The following METTL6 variants were observed in gnomAD, a reference collection of about 807,000 sequenced individuals.
METTL6 encodes tRNA N(3)-cytidine methyltransferase METTL6.
Under a neutral mutation model 26.4 loss-of-function variants are expected in METTL6, and 22 were observed. The observed-to-expected ratio is 0.83, with a 90% CI of 0.59 to 1.19. The LOEUF is 1.19. Ranked by LOEUF, METTL6 falls within the 50% of genes most tolerant of loss-of-function variation. The probability of loss-of-function intolerance (pLI) is 0.00; values close to 1 mark genes in which losing one functional copy is unlikely to be tolerated. For missense variants in METTL6, 304 were observed against 324.8 expected (o/e 0.94, Z 0.49); for synonymous variants, 109 against 116.2 (o/e 0.94, Z 0.40).
Position 15,395,694 on chromosome 3 carries a change from G to A in METTL6, c.*12-11507C>T, listed in dbSNP as rs1299877725. Reference sequence around the variant, plus strand: ...TCAGGAGTTCTTTTAGGGCAGGCCTGGTGGTGACAAAATCTCTCAGCATTT... The same window carrying A: ...TCAGGAGTTCTTTTAGGGCAGGCCTAGTGGTGACAAAATCTCTCAGCATTT... On this transcript the variant is annotated intron_variant, in intron 6 of 6. Coordinates refer to the METTL6 transcript ENST00000443029. Among the ~76,000 whole-genome samples, 4 of 152,044 alleles carry A rather than the reference G, an allele frequency of 2.6e-5. No individual in the cohort carries two copies. In the South Asian group the frequency reaches 8.3e-4, roughly 32 times the overall value.
chr3:15,406,629 T>TATATATAGAGAGAGAGAG (rs1559485748), downstream of METTL6, among the ~76,000 whole-genome samples: 1 of 20,714 alleles, frequency 4.8e-5, no homozygotes, highest in Non-Finnish European at 8.0e-5. Flanking sequence ...TATATATATA[T>TATATATAGAGAGAGAGAG]AGAGAGAGAG....
intron 6 of METTL6, among the ~76,000 whole-genome samples, chr3:15,388,653 G>A (rs2124894303): frequency 6.6e-6 from 1 of 152,230 alleles, no homozygotes; most frequent in East Asian, 1.9e-4. Context: ...AGCAGTTTAA[G>A]GAGGCCCAAA....
At chr3:15,390,339 A>C (rs1002082397) in intron 6 of METTL6, among the ~76,000 whole-genome samples, 1 of 152,040 alleles carries the variant, frequency 6.6e-6, no homozygotes, top group African/African-American at 2.4e-5. Context: ...GAGGCAGGAG[A>C]ATCGCTTGAA....
At chr3:15,418,801 C>T (rs2061548432) in intron 3 of METTL6, among the ~76,000 whole-genome samples, 1 of 152,102 alleles carries the variant, frequency 6.6e-6, no homozygotes, top group South Asian at 2.1e-4. Flanking sequence ...GAGGCTGAGA[C>T]AGGAGGATCG....
chr3:15,398,097 A>C (rs1288220066), intron 6 of METTL6, among the ~76,000 whole-genome samples: 1 of 151,684 alleles, frequency 6.6e-6, no homozygotes, highest in African/African-American at 2.4e-5. Flanking sequence ...AAAAACTCCT[A>C]ACCTTTAAGC....
intron 3 of METTL6, among the ~76,000 whole-genome samples, chr3:15,417,185 G>A (rs1208134017): frequency 6.6e-6 from 1 of 152,080 alleles, no homozygotes; most frequent in East Asian, 1.9e-4. Flanking sequence ...GGCCAGGTGC[G>A]GTGGCTCACG....
rs771220576 is a variant in METTL6 at position 15,426,335 on chromosome 3, G to C, written c.177C>G (p.Asp59Glu). Residue 59 changes from aspartate (D) to glutamate (E), a missense_variant, in exon 2 of 6, where the codon GAC becomes GAG. Physicochemically the swap from Asp to Glu is conservative, Grantham distance 45 (BLOSUM62 2). Coordinates refer to ENST00000383790, the MANE Select transcript of METTL6 (RefSeq NM_152396.4). Reference sequence around the variant, plus strand: ...CAAACTCTCTGGTGGTCCAGTGTCTGTCTTTGAAGAAATTAGTGCTATTTC... The same window carrying C: ...CAAACTCTCTGGTGGTCCAGTGTCTCTCTTTGAAGAAATTAGTGCTATTTC... The part of the protein sequence containing the change: ...YKRNSTNFFK[D>E]RHWTTREFEE... The C allele has an allele frequency of 6.2e-7, 1 of 1,614,210 alleles. No homozygotes were observed. The highest frequency in any genetic ancestry group is 1.1e-5 in the South Asian group (1 of 91,086).
chr3:15,405,202 C>T (rs73818917), downstream of METTL6, among the ~76,000 whole-genome samples: 3,295 of 152,316 alleles, frequency 0.022, 99 homozygotes, highest in African/African-American at 0.072. Context: ...GTGTCCAGCA[C>T]GTATTTATGC....
At chr3:15,425,139 G>T (rs1322630134) in intron 2 of METTL6, 50 bp from the exon 3 acceptor site, 1 of 1,597,224 alleles carries the variant, frequency 6.3e-7, no homozygotes, top group Non-Finnish European at 8.5e-7. Context: ...GCATAATGAA[G>T]AAATAAACCA....
chr3:15,396,140 C>T (rs1012876543), intron 6 of METTL6, among the ~76,000 whole-genome samples: 3 of 152,184 alleles, frequency 2.0e-5, no homozygotes, highest in African/African-American at 4.8e-5. Context: ...ACCAATCAAA[C>T]GTAGATTTGG....
chr3:15,421,216 G>C (rs900451996), intron 3 of METTL6, among the ~76,000 whole-genome samples: 1 of 152,140 alleles, frequency 6.6e-6, no homozygotes, highest in African/African-American at 2.4e-5. Context: ...CAACACCTAA[G>C]CTTCATAGAT....
In METTL6 at chr3:15,415,897, C is replaced by A. The variant is rs1412208849; in HGVS notation, c.406G>T (p.Asp136Tyr). 2 of 1,613,956 alleles carry A rather than the reference C, an allele frequency of 1.2e-6. No homozygotes were observed. Among genetic ancestry groups the A allele is most frequent in the Non-Finnish European group, 1.7e-6 (2 of 1,180,008 alleles). The change falls in exon 4 of 6, where the codon GAT (aspartate) becomes TAT (tyrosine). Residue 136 changes from aspartate (D) to tyrosine (Y), a missense_variant. Transcript: ENST00000383790. ...TCCAGAAGATCATCTTTAGTCAGAT[C>A]ACACTGGAATACCTTGCATCTTTCT... ...DTERCKVFQC[D>Y]LTKDDLLDHV...
chr3:15,416,283 C>G (rs1700202255), intron 3 of METTL6, among the ~76,000 whole-genome samples: 1 of 152,164 alleles, frequency 6.6e-6, no homozygotes, highest in Admixed American at 6.5e-5. Flanking sequence ...CAGGGTCTCA[C>G]TCTGTCTGCT....
intron 6 of METTL6, among the ~76,000 whole-genome samples, chr3:15,389,870 T>TTTA (rs1553625003): frequency 6.7e-6 from 1 of 148,182 alleles, no homozygotes; most frequent in Non-Finnish European, 1.5e-5. Context: ...TTTTTTTTTT[T>TTTA]AAAGAGAAAG....
intron 6 of METTL6, among the ~76,000 whole-genome samples, chr3:15,390,526 A>G (rs1699315670): frequency 6.6e-6 from 1 of 152,194 alleles, no homozygotes; most frequent in Non-Finnish European, 1.5e-5. Context: ...AGTACTTGCA[A>G]CTGGGGTGTG....
downstream of METTL6, among the ~76,000 whole-genome samples, chr3:15,407,313 C>A (rs1368474994): frequency 1.3e-5 from 2 of 152,188 alleles, no homozygotes; most frequent in African/African-American, 4.8e-5. Context: ...AGCCACCATG[C>A]CCAGCTTCAC....
chr3:15,386,167 C>G (rs1440372695), intron 6 of METTL6, among the ~76,000 whole-genome samples: 2 of 152,156 alleles, frequency 1.3e-5, no homozygotes, highest in Non-Finnish European at 2.9e-5. Flanking sequence ...GGTTCCTCCC[C>G]TTTTTAGAAT....
rs941222334 is a variant in METTL6, at chr3:15,411,200, A to C, written c.*56T>G. 1.9e-6 allele frequency: 3 copies of C among 1,560,180 alleles called. No homozygotes were observed. The highest frequency in any genetic ancestry group is 2.6e-6 in the Non-Finnish European group (3 of 1,151,440). ...ATGAGCCACCGCACCCAGACGAAAG[A>C]GTGATTTTAAATTTTCCTCTTCAAG... On this transcript the variant is annotated 3_prime_UTR_variant, in exon 6 of 6. Coordinates refer to ENST00000383790, the MANE Select transcript of METTL6 (RefSeq NM_152396.4).
chr3:15,383,744 G>A (rs1043287353), exon 7 of METTL6: 2 of 152,192 alleles, frequency 1.3e-5, no homozygotes, highest in Non-Finnish European at 2.9e-5. Context: ...TAGAAAACAG[G>A]ATAAATAGCA....
Sources: gnomAD v4.1 joint callset for allele counts (sites outside exome capture counted in the v4.1 genomes callset) on GRCh38, gnomAD v4.1.1 for gene constraint, MANE v1.5 for transcripts, NCBI Gene and HGNC (gene_info 2026-07-23, HGNC 2026-07-21) for gene names.